The following DAPK1 variants were observed in gnomAD, a reference collection of about 807,000 sequenced individuals.
The protein encoded by DAPK1 is death-associated protein kinase 1.
A neutral mutation model predicts 144.9 loss-of-function variants in DAPK1; 56 were observed. The ratio of observed to expected loss-of-function variants is 0.39; its 90% CI spans 0.31 to 0.48. DAPK1 has a LOEUF of 0.48. DAPK1 is among the 20% of genes least tolerant of loss of function. The probability of loss-of-function intolerance (pLI) is 0.95; values close to 1 mark genes in which losing one functional copy is unlikely to be tolerated. For missense variants in DAPK1, 1,454 were observed against 1,875.4 expected (o/e 0.78, Z 4.15); for synonymous variants, 690 against 749.0 (o/e 0.92, Z 1.29).
intron 2 of DAPK1, among the ~76,000 whole-genome samples, chr9:87,571,406 C>T: frequency 7.0e-6 from 1 of 143,178 alleles, no homozygotes; most frequent in South Asian, 2.4e-4. Flanking sequence ...GTGAAGAGAC[C>T]CAGAGCCTAG....
At chr9:87,573,909 C>G (rs952146129) in intron 2 of DAPK1, among the ~76,000 whole-genome samples, 3 of 152,168 alleles carry the variant, frequency 2.0e-5, no homozygotes, top group Admixed American at 6.5e-5. Context: ...CAGAAAACCT[C>G]AAATAATAAT....
chr9:87,696,756 G>A (rs150432336), intron 21 of DAPK1, among the ~76,000 whole-genome samples: 9 of 152,180 alleles, frequency 5.9e-5, no homozygotes, highest in African/African-American at 2.2e-4. Flanking sequence ...AGCCATTTGG[G>A]AGGGATTTGC....
intron 2 of DAPK1, among the ~76,000 whole-genome samples, chr9:87,563,296 T>C (rs1826998244): frequency 6.6e-6 from 1 of 152,216 alleles, no homozygotes; most frequent in African/African-American, 2.4e-5. Context: ...GGAGTAGCAA[T>C]TGAGGGCACA....
chr9:87,683,261 T>G (rs1824709901), intron 20 of DAPK1, among the ~76,000 whole-genome samples: 1 of 151,942 alleles, frequency 6.6e-6, no homozygotes, highest in Admixed American at 6.6e-5. Flanking sequence ...TTTTGTATTT[T>G]TAGTAGAGAC....
chr9:87,668,777 A>G (rs551965927), intron 19 of DAPK1, 103 bp downstream of exon 19: 8 of 799,540 alleles, frequency 1.0e-5, no homozygotes, highest in Admixed American at 3.7e-5. Flanking sequence ...GGCTCTAGAC[A>G]GCCAGGTTTT....
chr9:87,662,836 G>C (rs1343780841), intron 18 of DAPK1, among the ~76,000 whole-genome samples: 1 of 151,506 alleles, frequency 6.6e-6, no homozygotes, highest in African/African-American at 2.4e-5. Flanking sequence ...AGTTGATCTG[G>C]CGAGGACTTC....
Position 87,706,718 on chromosome 9 carries a change from G to A in DAPK1, c.3647G>A (p.Cys1216Tyr), listed in dbSNP as rs1442493970. ...TGCTGCCTGCTGCTGGACTCGGTGT[G>A]CAGCACCATTGAGAACGTCATGGCC... Reference protein sequence around the residue: ...IKCCLLLDSVCSTIENVMATT... With the variant: ...IKCCLLLDSVYSTIENVMATT... Residue 1216 changes from cysteine to tyrosine, a missense_variant, in exon 26 of 26, where the codon TGC becomes TAC. Around this residue, in one of 2 missense-constraint regions of DAPK1, gnomAD observed 1,025 missense variants for 1,237.9 expected, o/e 0.83. Transcript: ENST00000408954. This position sits in a 1 kb window ranked among gnomAD's most constrained non-coding sequence, Gnocchi z 9.0. 6.2e-6 allele frequency: 10 copies of A among 1,612,246 alleles called. No individual in the cohort carries two copies. The highest frequency in any genetic ancestry group is 4.2e-6 in the Non-Finnish European group (5 of 1,178,980).
chr9:87,622,420 G>A (rs934000653), intron 3 of DAPK1, among the ~76,000 whole-genome samples: 3 of 152,020 alleles, frequency 2.0e-5, no homozygotes, highest in African/African-American at 7.2e-5. Flanking sequence ...TCTCCTGAAG[G>A]TTGTCTCTTA....
intron 18 of DAPK1, among the ~76,000 whole-genome samples, chr9:87,660,627 C>T (rs536488076): frequency 2.0e-5 from 3 of 152,000 alleles, no homozygotes; most frequent in Non-Finnish European, 4.4e-5. Context: ...ATCCTCCACG[C>T]GCTTCCCTCC....
intron 18 of DAPK1, among the ~76,000 whole-genome samples, chr9:87,659,464 G>C (rs983267239): frequency 6.6e-6 from 1 of 151,678 alleles, no homozygotes; most frequent in African/African-American, 2.4e-5. Context: ...TTTTCAAGAC[G>C]AAGAAATATT....
chr9:87,692,889 A>G (rs1356466162), intron 21 of DAPK1, among the ~76,000 whole-genome samples: 2 of 138,816 alleles, frequency 1.4e-5, no homozygotes, highest in Non-Finnish European at 3.0e-5. Flanking sequence ...TCTCCTGGCC[A>G]GTAGAATTTC....
intron 23 of DAPK1, among the ~76,000 whole-genome samples, chr9:87,699,115 AG>A (rs1825374572): frequency 6.6e-6 from 1 of 152,216 alleles, no homozygotes; most frequent in South Asian, 2.1e-4. Context: ...TTTGCCCAAA[AG>A]GTTTTTGGAT....
intron 18 of DAPK1, among the ~76,000 whole-genome samples, chr9:87,667,348 G>A (rs1489770885): frequency 1.3e-5 from 2 of 152,256 alleles, no homozygotes; most frequent in Non-Finnish European, 2.9e-5. Flanking sequence ...GCCTAAGGCA[G>A]TGGTTCTCAG....
Position 87,498,960 on chromosome 9 carries a change from TC to T in DAPK1, c.-108-9del, listed in dbSNP as rs1375626912. On this transcript the variant is annotated splice_polypyrimidine_tract_variant and intron_variant, in intron 1 of 25. Coordinates refer to ENST00000408954, the MANE Select transcript of DAPK1 (RefSeq NM_004938.4). The stretch of plus-strand genomic sequence containing the variant: ...TACTATTATTATTGCCTTTTTTTTT[TC>T]TTCAAAAGGACTGGAGACTGATGCA... 1 of 734,260 alleles carries T rather than the reference TC, an allele frequency of 1.4e-6. No homozygotes were observed. The highest frequency in any genetic ancestry group is 1.8e-5 in the South Asian group (1 of 56,538). The allele number at this position is 734,260 out of a possible 1,614,324, so 45.5% of individuals were successfully genotyped here.
chr9:87,582,121 C>T (rs1174693237), intron 2 of DAPK1, among the ~76,000 whole-genome samples: 3 of 152,074 alleles, frequency 2.0e-5, no homozygotes, highest in Admixed American at 6.5e-5. Context: ...CAGGTGGAGC[C>T]TTCTCCTCCG....
At chr9:87,503,403 T>G (rs1264591189) in intron 2 of DAPK1, among the ~76,000 whole-genome samples, 2 of 152,114 alleles carry the variant, frequency 1.3e-5, no homozygotes, top group Non-Finnish European at 2.9e-5. Context: ...GCTCTGAGAT[T>G]ATAGGGCAGA....
At chr9:87,696,931 G>A in intron 21 of DAPK1, 76 bp from the exon 22 acceptor site, 2 of 812,552 alleles carry the variant, frequency 2.5e-6, no homozygotes, top group East Asian at 2.4e-5. Context: ...TCGAATCCGT[G>A]GAACGCTAAG....
chr9:87,580,733 T>C (rs995324128), intron 2 of DAPK1, among the ~76,000 whole-genome samples: 1 of 152,216 alleles, frequency 6.6e-6, no homozygotes, highest in Non-Finnish European at 1.5e-5. Flanking sequence ...GCTTTGGCCT[T>C]ATGTGATATC....
chr9:87,695,143 T>A (rs1825211369), intron 21 of DAPK1, among the ~76,000 whole-genome samples: 5 of 152,140 alleles, frequency 3.3e-5, no homozygotes, highest in African/African-American at 1.2e-4. Context: ...ATCTGATCTC[T>A]CACAGCCCCA....
Sources: gnomAD v4.1 joint callset for allele counts (sites outside exome capture counted in the v4.1 genomes callset) on GRCh38, gnomAD v4.1.1 for gene constraint, gnomAD v4.1.1 regional missense constraint, Gnocchi (gnomAD v3.1) non-coding constraint, MANE v1.5 for transcripts, NCBI Gene and HGNC (gene_info 2026-07-23, HGNC 2026-07-21) for gene names.